ASIC2: variants seen among roughly 807,000 people sequenced by gnomAD.
ASIC2 encodes acid sensing ion channel subunit 2, also known as acid-sensing ion channel 2.
In ASIC2, 25 loss-of-function variants were observed where a neutral mutation model predicts 57.3. The observed-to-expected ratio is 0.44, with a 90% CI of 0.32 to 0.61. ASIC2 has a LOEUF of 0.61. Ranked by LOEUF, ASIC2 falls within the 20% of genes least tolerant of loss-of-function variation. The probability of loss-of-function intolerance (pLI) is 0.06; values close to 1 mark genes in which losing one functional copy is unlikely to be tolerated. For missense variants in ASIC2, 641 were observed against 738.1 expected, an observed-to-expected ratio of 0.87 and a Z score of 1.52; for synonymous variants, 319 against 307.5, an observed-to-expected ratio of 1.04 and a Z score of -0.39.
intron 1 of ASIC2, among the ~76,000 whole-genome samples, chr17:34,086,898 C>T (rs1391223516): frequency 6.6e-6 from 1 of 152,132 alleles, no homozygotes; most frequent in Non-Finnish European, 1.5e-5. Flanking sequence ...CTTGGTAGAT[C>T]TTCCTCCATC....
intron 1 of ASIC2, among the ~76,000 whole-genome samples, chr17:34,109,964 A>AAGAGAG (rs1012780679): frequency 6.6e-6 from 1 of 150,924 alleles, no homozygotes; most frequent in African/African-American, 2.4e-5. Flanking sequence ...GTGAGAGAGA[A>AAGAGAG]AGAGAGAGAG....
intron 1 of ASIC2, among the ~76,000 whole-genome samples, chr17:33,775,912 C>T (rs1911258825): frequency 6.6e-6 from 1 of 152,094 alleles, no homozygotes; most frequent in Non-Finnish European, 1.5e-5. Flanking sequence ...GAGGGTGGAT[C>T]ACCTGAGGTC....
At chr17:33,520,668 C>T (rs953573082) in intron 1 of ASIC2, among the ~76,000 whole-genome samples, 3 of 152,218 alleles carry the variant, frequency 2.0e-5, no homozygotes. Flanking sequence ...CGGACAGGGC[C>T]CCTCTTGGGG....
chr17:33,053,842 A>G (rs1988598), intron 3 of ASIC2, among the ~76,000 whole-genome samples: 110,135 of 152,116 alleles, frequency 0.72, 40,051 homozygotes, highest in East Asian at 0.86. Flanking sequence ...AGTTTCACAA[A>G]AAGGGACATA....
rs529895579 is a variant in ASIC2 at position 33,093,891 on chromosome 17, T to C, written c.860-4901A>G. Among the ~76,000 whole-genome samples the C allele has an allele frequency of 9.4e-5, 14 of 149,244 alleles. 1 individual carries two copies. In the South Asian group the frequency reaches 3.0e-3, roughly 32 times the overall value. On this transcript the variant is annotated intron_variant, in intron 2 of 9. Coordinates refer to ENST00000225823, the MANE Select transcript of ASIC2 (RefSeq NM_183377.2). Reference sequence around the variant, plus strand: ...AGTTTATCTGAATAGCTAGGGGGAGTTTTCAGAGCTCAGAGAGTGAACGTG... The same window carrying C: ...AGTTTATCTGAATAGCTAGGGGGAGCTTTCAGAGCTCAGAGAGTGAACGTG...
intron 3 of ASIC2, among the ~76,000 whole-genome samples, chr17:33,071,223 A>T (rs2092067816): frequency 6.6e-6 from 1 of 152,138 alleles, no homozygotes; most frequent in African/African-American, 2.4e-5. Flanking sequence ...TACTTCTTGA[A>T]ACACTCTAAA....
intron 1 of ASIC2, among the ~76,000 whole-genome samples, chr17:33,662,668 T>TAAAAAAAA (rs530248877): frequency 1.1e-4 from 14 of 128,102 alleles, no homozygotes; most frequent in South Asian, 4.9e-4. Flanking sequence ...AATAAATAAA[T>TAAAAAAAA]AAGTAAAATA....
At chr17:33,113,515 C>G (rs1349612586) in intron 1 of ASIC2, among the ~76,000 whole-genome samples, 2 of 152,178 alleles carry the variant, frequency 1.3e-5, no homozygotes, top group Non-Finnish European at 2.9e-5. Flanking sequence ...TGAGCATGCT[C>G]CACTGCACTG....
chr17:33,576,383 T>C (rs1191385075), intron 1 of ASIC2, among the ~76,000 whole-genome samples: 1 of 152,204 alleles, frequency 6.6e-6, no homozygotes, highest in Non-Finnish European at 1.5e-5. Context: ...TAGATGTGAC[T>C]AGGTATGGGG....
chr17:33,685,161 A>G (rs535059724), intron 1 of ASIC2, among the ~76,000 whole-genome samples: 1 of 152,254 alleles, frequency 6.6e-6, no homozygotes, highest in African/African-American at 2.4e-5. Context: ...ACACGGATGG[A>G]GGTCAGATTT....
At chr17:33,697,241 A>G (rs191109376) in intron 1 of ASIC2, among the ~76,000 whole-genome samples, 9 of 152,306 alleles carry the variant, frequency 5.9e-5, no homozygotes, top group South Asian at 2.1e-4. Flanking sequence ...TCTTTTCTCT[A>G]TAAATTACCC....
intron 1 of ASIC2, among the ~76,000 whole-genome samples, chr17:33,459,710 A>C (rs1912571758): frequency 6.6e-6 from 1 of 152,182 alleles, no homozygotes; most frequent in African/African-American, 2.4e-5. Flanking sequence ...GAATGTTGGC[A>C]GGGCTGGCCG....
chr17:33,624,321 T>C (rs1441226294), intron 1 of ASIC2, among the ~76,000 whole-genome samples: 1 of 152,128 alleles, frequency 6.6e-6, no homozygotes, highest in Non-Finnish European at 1.5e-5. Flanking sequence ...TGAGGCATGC[T>C]GGAAAGAGAT....
At chr17:34,000,170 T>A (rs1906290054) in intron 1 of ASIC2, among the ~76,000 whole-genome samples, 2 of 152,088 alleles carry the variant, frequency 1.3e-5, no homozygotes, top group Admixed American at 1.3e-4. Context: ...TGTGACAAGT[T>A]GCTTTTCTCT....
chr17:33,119,735 G>C (rs547901521), intron 1 of ASIC2, among the ~76,000 whole-genome samples: 5 of 152,334 alleles, frequency 3.3e-5, no homozygotes, highest in Non-Finnish European at 7.3e-5. Context: ...GTTTAAAAAA[G>C]TGATTTCAAT....
intron 1 of ASIC2, among the ~76,000 whole-genome samples, chr17:33,909,194 G>A (rs1274252011): frequency 6.6e-6 from 1 of 152,198 alleles, no homozygotes; most frequent in Non-Finnish European, 1.5e-5. Flanking sequence ...CAGCAGTGGT[G>A]CCTGCGCTCT....
chr17:33,557,590 G>A (rs533883917), intron 1 of ASIC2, among the ~76,000 whole-genome samples: 1 of 152,284 alleles, frequency 6.6e-6, no homozygotes, highest in South Asian at 2.1e-4. Context: ...TGTTAGAGTT[G>A]AGAAAGAAGA....
At chr17:33,766,532 G>A (rs2142116732) in intron 1 of ASIC2, among the ~76,000 whole-genome samples, 1 of 152,290 alleles carries the variant, frequency 6.6e-6, no homozygotes, top group Non-Finnish European at 1.5e-5. Flanking sequence ...CAACCTCCAT[G>A]TTCTGTGCCT....
intron 1 of ASIC2, among the ~76,000 whole-genome samples, chr17:33,369,707 T>A (rs1024127311): frequency 2.6e-5 from 4 of 152,182 alleles, no homozygotes; most frequent in African/African-American, 9.7e-5. Flanking sequence ...CAAGAGCACA[T>A]GGCTAGTAAG....
Sources: allele counts gnomAD v4.1 joint callset (sites outside exome capture counted in the v4.1 genomes callset), GRCh38; gene constraint gnomAD v4.1.1; transcripts MANE v1.5; gene names NCBI Gene and HGNC (gene_info 2026-07-23, HGNC 2026-07-21).